PTPRM: variants seen among roughly 807,000 people sequenced by gnomAD.
PTPRM encodes the protein protein tyrosine phosphatase receptor type M.
In PTPRM, 47 loss-of-function variants were observed where a neutral mutation model predicts 186.7. That is an observed-to-expected ratio of 0.25 (90% confidence interval 0.20 to 0.32). The LOEUF is 0.32. PTPRM is among the 10% of genes least tolerant of loss of function. The pLI is 1.00. For synonymous variants in PTPRM, 668 were observed against 674.9 expected (o/e 0.99, Z 0.16); for missense variants, 1,494 against 1,865.0 (o/e 0.80, Z 3.66).
rs77357403 is a variant in PTPRM at position 8,338,345 on chromosome 18, A to G, written c.2957-5078A>G. 9.1e-3 allele frequency among the ~76,000 whole-genome samples: 1,333 copies of G among 145,826 alleles called. 9 individuals are homozygous for G. Among genetic ancestry groups the G allele is most frequent in the Non-Finnish European group, 0.013 (868 of 67,052 alleles). ...AAAACCTAGAAAGATACAAGGTTCT[A>G]TGTCATTACATTAAAATTGTAATGC... On this transcript the variant is annotated intron_variant, in intron 22 of 32. Coordinates refer to ENST00000580170, the MANE Select transcript of PTPRM (RefSeq NM_001105244.2).
At chr18:7,815,076 A>G (rs930225739) in intron 2 of PTPRM, 1 of 152,202 alleles carries the variant, frequency 6.6e-6, no homozygotes, top group African/African-American at 2.4e-5. Flanking sequence ...AGTATCAAGG[A>G]ACTGAAACTT....
chr18:7,922,951 C>A (rs2050952231), intron 4 of PTPRM, among the ~76,000 whole-genome samples: 1 of 152,132 alleles, frequency 6.6e-6, no homozygotes, highest in Admixed American at 6.5e-5. Context: ...GAGATTTTGG[C>A]ACCCGCTAAT....
At chr18:8,186,833 C>T (rs1008769257) in intron 14 of PTPRM, among the ~76,000 whole-genome samples, 1 of 152,116 alleles carries the variant, frequency 6.6e-6, no homozygotes, top group Non-Finnish European at 1.5e-5. Context: ...TTTAAATGTA[C>T]AAATGCACTG....
intron 19 of PTPRM, among the ~76,000 whole-genome samples, chr18:8,289,637 C>CAT (rs1220519004): frequency 2.2e-5 from 3 of 138,106 alleles, no homozygotes; most frequent in East Asian, 2.0e-4. Context: ...TATATACACA[C>CAT]ATATATATAT....
chr18:7,927,669 T>C (rs1414399866), intron 5 of PTPRM, among the ~76,000 whole-genome samples: 1 of 152,186 alleles, frequency 6.6e-6, no homozygotes, highest in Non-Finnish European at 1.5e-5. Flanking sequence ...ATGATTGTGA[T>C]TGGAGACTCC....
At chr18:7,973,545 C>G (rs540846965) in intron 7 of PTPRM, among the ~76,000 whole-genome samples, 12 of 152,086 alleles carry the variant, frequency 7.9e-5, no homozygotes, top group Non-Finnish European at 1.6e-4. Flanking sequence ...AGGATGCTTT[C>G]TAATCTTTTC....
intron 19 of PTPRM, among the ~76,000 whole-genome samples, chr18:8,284,655 C>T (rs2094937207): frequency 6.6e-6 from 1 of 152,044 alleles, no homozygotes; most frequent in East Asian, 1.9e-4. Flanking sequence ...GCTCAGGAGG[C>T]TGAGGCAAGA....
At chr18:8,341,068 C>CAGAGCTCCAA (rs11283252) in intron 22 of PTPRM, among the ~76,000 whole-genome samples, 148,442 of 152,120 alleles carry the variant, frequency 0.98, 72,516 homozygotes, top group East Asian at 1. Flanking sequence ...GGTTTAATTC[C>CAGAGCTCCAA]GGCTGTGCTG....
At chr18:7,607,479 G>C (rs1258935895) in intron 1 of PTPRM, among the ~76,000 whole-genome samples, 1 of 152,190 alleles carries the variant, frequency 6.6e-6, no homozygotes, top group East Asian at 1.9e-4. Flanking sequence ...GCTTGCACTC[G>C]GGAGCCGTAT....
At chr18:8,239,750 C>G (rs1338095413) in intron 14 of PTPRM, among the ~76,000 whole-genome samples, 2 of 152,168 alleles carry the variant, frequency 1.3e-5, no homozygotes, top group African/African-American at 2.4e-5. Flanking sequence ...GTTTTTTCAG[C>G]TTTGACTTAC....
intron 7 of PTPRM, among the ~76,000 whole-genome samples, chr18:8,035,783 G>T (rs1173640735): frequency 6.6e-6 from 1 of 152,120 alleles, no homozygotes; most frequent in African/African-American, 2.4e-5. Context: ...TGGTACAGGA[G>T]CACATGGATA....
chr18:7,808,279 G>T (rs777162397), intron 2 of PTPRM, among the ~76,000 whole-genome samples: 19 of 152,164 alleles, frequency 1.2e-4, no homozygotes, highest in Non-Finnish European at 2.5e-4. Flanking sequence ...GGTGCAGACG[G>T]AGGTGGAGGT....
chr18:7,708,802 A>C (rs189290150), intron 1 of PTPRM, among the ~76,000 whole-genome samples: 495 of 152,254 alleles, frequency 3.3e-3, no homozygotes, highest in Non-Finnish European at 4.3e-3. Flanking sequence ...ATGTACCTAC[A>C]ATAGAAACAA....
chr18:8,147,488 G>A (rs879318912), intron 14 of PTPRM, among the ~76,000 whole-genome samples: 26 of 151,872 alleles, frequency 1.7e-4, no homozygotes, highest in East Asian at 1.4e-3. Context: ...TTATTTTTGC[G>A]TTGATTTTGT....
At chr18:8,088,183 A>G (rs963569517) in intron 10 of PTPRM, among the ~76,000 whole-genome samples, 2 of 152,188 alleles carry the variant, frequency 1.3e-5, no homozygotes, top group Non-Finnish European at 2.9e-5. Flanking sequence ...TTCTTATTTC[A>G]GTTCCTATGT....
chr18:7,985,497 G>A (rs907175181), intron 7 of PTPRM, among the ~76,000 whole-genome samples: 5 of 140,250 alleles, frequency 3.6e-5, no homozygotes, highest in East Asian at 2.2e-4. Context: ...TGGTAGATAC[G>A]TATATAAATA....
At chr18:7,779,833 A>G (rs1181509233) in intron 2 of PTPRM, among the ~76,000 whole-genome samples, 1 of 152,226 alleles carries the variant, frequency 6.6e-6, no homozygotes, top group Non-Finnish European at 1.5e-5. Flanking sequence ...GCTATGTGCT[A>G]TGCATTGTTT....
chr18:7,769,939 C>A (rs1177235390), intron 1 of PTPRM, among the ~76,000 whole-genome samples: 1 of 152,148 alleles, frequency 6.6e-6, no homozygotes, highest in Non-Finnish European at 1.5e-5. Context: ...AACACCACCC[C>A]ACCCAGCTTG....
intron 14 of PTPRM, among the ~76,000 whole-genome samples, chr18:8,160,778 CTG>C (rs767925833): frequency 4.6e-5 from 7 of 152,212 alleles, no homozygotes; most frequent in Non-Finnish European, 8.8e-5. Flanking sequence ...AGCTGTCTCA[CTG>C]CATCATTGTA....
Sources: allele counts gnomAD v4.1 joint callset (sites outside exome capture counted in the v4.1 genomes callset), GRCh38; gene constraint gnomAD v4.1.1; transcripts MANE v1.5; gene names NCBI Gene and HGNC (gene_info 2026-07-23, HGNC 2026-07-21).